Variants in TMEM131L observed in about 807,000 individuals in gnomAD.
TMEM131L encodes the protein transmembrane 131 like.
Under a neutral mutation model 192.2 loss-of-function variants are expected in TMEM131L, and 54 were observed. That is an observed-to-expected ratio of 0.28 (90% CI 0.23 to 0.35). TMEM131L has a LOEUF of 0.35. Ranked by LOEUF, TMEM131L falls within the 10% of genes least tolerant of loss-of-function variation. The pLI is 1.00. For synonymous variants in TMEM131L, 701 were observed against 704.9 expected, an observed-to-expected ratio of 0.99 and a Z score of 0.09; for missense variants, 1,888 against 1,972.9, an observed-to-expected ratio of 0.96 and a Z score of 0.82.
chr4:153,469,258 G>A (rs1386371829), intron 2 of TMEM131L, among the ~76,000 whole-genome samples: 2 of 149,664 alleles, frequency 1.3e-5, no homozygotes, highest in African/African-American at 5.0e-5. Flanking sequence ...ATATCTCTAC[G>A]TATACCTTTT....
At chr4:153,494,065 A>G (rs1732987523) in intron 3 of TMEM131L, among the ~76,000 whole-genome samples, 1 of 151,716 alleles carries the variant, frequency 6.6e-6, no homozygotes. Context: ...TTTGAATCCT[A>G]TCTCTGTGGC....
Position 153,583,657 on chromosome 4 carries a change from T to G in TMEM131L, c.1045T>G (p.Ser349Ala). Reference protein sequence around the residue: ...TSTTNFTKIASFTCKAATSCD... With the variant: ...TSTTNFTKIAAFTCKAATSCD... ...TACAACAAACTTTACAAAAATTGCT[T>G]CTTTTACCTGCAAAGGTACAGATTT... is the stretch of plus-strand genomic sequence containing the variant. Residue 349 changes from serine (S) to alanine (A), a missense_variant, in exon 11 of 35, where the codon TCT becomes GCT. By Grantham distance (99) the Ser-to-Ala change is moderately conservative. Coordinates refer to ENST00000409959, the MANE Select transcript of TMEM131L (RefSeq NM_001131007.2). 1 of 1,591,982 alleles carries G rather than the reference T, an allele frequency of 6.3e-7. No individual in the cohort carries two copies. The highest frequency in any genetic ancestry group is 8.6e-7 in the Non-Finnish European group (1 of 1,164,600).
intron 19 of TMEM131L, among the ~76,000 whole-genome samples, chr4:153,594,156 C>T (rs1005153029): frequency 2.0e-5 from 3 of 152,076 alleles, no homozygotes; most frequent in Admixed American, 2.0e-4. Flanking sequence ...AAACTTGAGA[C>T]CCCAGAATTT....
At chr4:153,587,147 A>G (rs1421037404) in intron 14 of TMEM131L, among the ~76,000 whole-genome samples, 1 of 152,188 alleles carries the variant, frequency 6.6e-6, no homozygotes, top group Non-Finnish European at 1.5e-5. Context: ...CCATTTATCC[A>G]TATTTTGAGC....
chr4:153,466,448 G>A lies in TMEM131L; in HGVS notation c.51G>A (p.Ala17=). The A allele has an allele frequency of 7.1e-7, 1 of 1,416,718 alleles. No individual in the cohort carries two copies. Among genetic ancestry groups the A allele is most frequent in the East Asian group, 3.0e-5 (1 of 33,322 alleles). 87.8% of individuals were successfully genotyped at this position (1,416,718 alleles called of 1,614,324 possible). ...CCGGCTGCTACTGCCGCACCGCGGC[G>A]GCCGTGAACCTCCTGCTGGGCGTCT... The part of the protein sequence containing the change: ...PQPGCYCRTA[A]AVNLLLGVFQ... The change falls in exon 1 of 35, where the codon GCG becomes GCA. Residue 17 remains alanine, a synonymous_variant. Coordinates refer to ENST00000409959, the MANE Select transcript of TMEM131L (RefSeq NM_001131007.2).
At chr4:153,559,798 T>G (rs1385234483) in intron 7 of TMEM131L, among the ~76,000 whole-genome samples, 18 of 152,050 alleles carry the variant, frequency 1.2e-4, no homozygotes, top group Admixed American at 7.9e-4. Flanking sequence ...TTGAAACCCT[T>G]CAGTGCATTC....
chr4:153,496,417 C>T (rs2149941967), intron 3 of TMEM131L, among the ~76,000 whole-genome samples: 1 of 152,314 alleles, frequency 6.6e-6, no homozygotes, highest in African/African-American at 2.4e-5. Context: ...CAGTATTATT[C>T]AGCAGGGAAC....
Position 153,593,861 on chromosome 4 carries a change from G to T in TMEM131L, c.1985G>T (p.Cys662Phe). ...GGTGAATTCCAGCTCACCGAAGCTT[G>T]CCCTTACCTGGTAGGATGTTATCCT... ...TTGEFQLTEA[C>F]PYLGTHSEES... is the part of the protein sequence containing the mutation. Residue 662 changes from cysteine to phenylalanine, a missense_variant, in exon 19 of 35, where the codon TGC becomes TTC. Cys to Phe is a radical substitution (Grantham distance 205). Coordinates refer to ENST00000409959, the MANE Select transcript of TMEM131L (RefSeq NM_001131007.2). 1 of 1,610,994 alleles carries T rather than the reference G, an allele frequency of 6.2e-7. No individual in the cohort carries two copies. The highest frequency in any genetic ancestry group is 1.7e-5 in the Admixed American group (1 of 60,010).
chr4:153,520,483 A>G (rs544775786), intron 3 of TMEM131L, among the ~76,000 whole-genome samples: 6 of 152,268 alleles, frequency 3.9e-5, no homozygotes, highest in South Asian at 4.1e-4. Flanking sequence ...AGATAAATAC[A>G]TAAATAAAAA....
At chr4:153,559,360 G>T (rs1292458498) in intron 7 of TMEM131L, among the ~76,000 whole-genome samples, 1 of 152,108 alleles carries the variant, frequency 6.6e-6, no homozygotes, top group Admixed American at 6.5e-5. Flanking sequence ...TTTATATTTG[G>T]TTTAAATCCT....
At chr4:153,614,284 C>T (rs1260612907) in intron 26 of TMEM131L, among the ~76,000 whole-genome samples, 1 of 152,196 alleles carries the variant, frequency 6.6e-6, no homozygotes, top group Non-Finnish European at 1.5e-5. Flanking sequence ...TTCAGACTTT[C>T]TTCCCTAGGT....
Position 153,528,798 on chromosome 4 carries a change from C to T in TMEM131L, c.240-21275C>T, listed in dbSNP as rs1735681968. 2.0e-5 allele frequency among the ~76,000 whole-genome samples: 3 copies of T among 152,260 alleles called. No homozygotes were observed. In the South Asian group the frequency reaches 6.2e-4, roughly 32 times the overall value. On this transcript the variant is annotated intron_variant, in intron 3 of 34. Coordinates refer to ENST00000409959, the MANE Select transcript of TMEM131L (RefSeq NM_001131007.2). The stretch of plus-strand genomic sequence containing the variant: ...ATTTGGTTGGGGGTGGGGGAGCCAA[C>T]CCCTCCCTCGGAGAGTGTGGGCCAC...
At chr4:153,496,957 C>A (rs928580097) in intron 3 of TMEM131L, among the ~76,000 whole-genome samples, 2 of 151,942 alleles carry the variant, frequency 1.3e-5, no homozygotes, top group Non-Finnish European at 2.9e-5. Context: ...AACTCCCAGG[C>A]TCAAGCGATC....
At chr4:153,625,960 A>C (rs911966372) in intron 29 of TMEM131L, among the ~76,000 whole-genome samples, 187 bp from the exon 30 acceptor site, 1 of 152,172 alleles carries the variant, frequency 6.6e-6, no homozygotes, top group African/African-American at 2.4e-5. Context: ...ATATACCTAA[A>C]TGTTCATAAT....
At chr4:153,574,314 AGTG>A (rs72081900) in intron 7 of TMEM131L, among the ~76,000 whole-genome samples, 29,744 of 151,932 alleles carry the variant, frequency 0.2, 3,130 homozygotes, top group East Asian at 0.29. Context: ...ATAAAAGGGT[AGTG>A]GTGGTGGTGG....
At chr4:153,490,091 T>C (rs187582947) in intron 3 of TMEM131L, among the ~76,000 whole-genome samples, 2 of 152,330 alleles carry the variant, frequency 1.3e-5, no homozygotes, top group African/African-American at 4.8e-5. Context: ...GATGAGTCTC[T>C]TCCTGCGTCC....
At chr4:153,552,648 C>CTGT (rs1554031985) in intron 4 of TMEM131L, among the ~76,000 whole-genome samples, 1 of 152,020 alleles carries the variant, frequency 6.6e-6, no homozygotes, top group Non-Finnish European at 1.5e-5. Flanking sequence ...CTGCGCAACA[C>CTGT]TGTGAGACCC....
chr4:153,511,532 G>T (rs774646532), intron 3 of TMEM131L, among the ~76,000 whole-genome samples: 15 of 152,160 alleles, frequency 9.9e-5, no homozygotes, highest in Non-Finnish European at 2.1e-4. Flanking sequence ...ACTAAGCTTA[G>T]TAGCTGGGTG....
intron 3 of TMEM131L, among the ~76,000 whole-genome samples, chr4:153,501,174 T>C (rs1019539661): frequency 1.3e-5 from 2 of 151,590 alleles, no homozygotes; most frequent in Non-Finnish European, 2.9e-5. Context: ...GTGGGACTTA[T>C]AATGCCCACC....
Sources: allele counts gnomAD v4.1 joint callset (sites outside exome capture counted in the v4.1 genomes callset), GRCh38; gene constraint gnomAD v4.1.1; transcripts MANE v1.5; gene names NCBI Gene and HGNC (gene_info 2026-07-23, HGNC 2026-07-21).